Variants in RGS6 observed in about 807,000 individuals in gnomAD.
The protein encoded by RGS6 is regulator of G-protein signaling 6.
In RGS6, 30 loss-of-function variants were observed where a neutral mutation model predicts 78.5. That is an observed-to-expected ratio of 0.38 (90% confidence interval 0.29 to 0.52). The LOEUF is 0.52. RGS6 is among the 20% of genes least tolerant of loss of function. The pLI is 0.85. For synonymous variants in RGS6, 206 were observed against 206.0 expected, an observed-to-expected ratio of 1.00 and a Z score of 0.00; for missense variants, 495 against 609.7, an observed-to-expected ratio of 0.81 and a Z score of 1.98.
At chr14:71,971,948 C>T (rs1049268046) in intron 2 of RGS6, among the ~76,000 whole-genome samples, 2 of 130,006 alleles carry the variant, frequency 1.5e-5, no homozygotes, top group African/African-American at 6.0e-5. Context: ...AGAGTGACAA[C>T]AGGCAGAGAA....
At chr14:72,430,616 T>G (rs553968726) in intron 3 of RGS6, among the ~76,000 whole-genome samples, 1 of 152,230 alleles carries the variant, frequency 6.6e-6, no homozygotes, top group Non-Finnish European at 1.5e-5. Context: ...TTCTGAGTTA[T>G]GAAAGCCTTC....
the RGS6 span, among the ~76,000 whole-genome samples, chr14:71,905,400 AGAAT>A: frequency 6.6e-6 from 1 of 152,234 alleles, no homozygotes. Flanking sequence ...AAAGGGACAT[AGAAT>A]TACTAAAAGC....
At chr14:72,516,603 G>A (rs953246658) in intron 14 of RGS6, among the ~76,000 whole-genome samples, 1 of 152,208 alleles carries the variant, frequency 6.6e-6, no homozygotes, top group Admixed American at 6.5e-5. Flanking sequence ...CGGAGAGAAG[G>A]CTGGAATCCG....
At chr14:72,172,912 A>G (rs2097046708) in intron 2 of RGS6, among the ~76,000 whole-genome samples, 1 of 152,184 alleles carries the variant, frequency 6.6e-6, no homozygotes, top group South Asian at 2.1e-4. Context: ...GGACTGCACG[A>G]GCTCTCCCAG....
At chr14:72,220,373 A>G (rs1022829456) in intron 2 of RGS6, among the ~76,000 whole-genome samples, 5 of 151,876 alleles carry the variant, frequency 3.3e-5, no homozygotes, top group African/African-American at 1.2e-4. Flanking sequence ...ATCCTTTTCT[A>G]CTTAGCCTGG....
chr14:72,489,156 G>GCCCCCCCC (rs35147203), intron 12 of RGS6, among the ~76,000 whole-genome samples: 1 of 142,000 alleles, frequency 7.0e-6, no homozygotes, highest in Non-Finnish European at 1.5e-5. Context: ...GACAAAGGGG[G>GCCCCCCCC]CCCCCCCACC....
At chr14:72,270,147 A>G (rs1319120516) in intron 2 of RGS6, among the ~76,000 whole-genome samples, 6 of 152,198 alleles carry the variant, frequency 3.9e-5, no homozygotes, top group Non-Finnish European at 8.8e-5. Context: ...ACAAATGGGG[A>G]TGGATCTAGA....
intron 17 of RGS6, among the ~76,000 whole-genome samples, chr14:72,560,894 G>A (rs1001388706): frequency 2.6e-5 from 4 of 151,802 alleles, no homozygotes; most frequent in African/African-American, 7.3e-5. Context: ...AATGGGGAGT[G>A]AAAGCAATGG....
the RGS6 span, among the ~76,000 whole-genome samples, chr14:71,887,816 T>G: frequency 6.6e-6 from 1 of 152,178 alleles, no homozygotes; most frequent in South Asian, 2.1e-4. Context: ...AGTAGTTCTG[T>G]TTTTGCCCTT....
intron 2 of RGS6, among the ~76,000 whole-genome samples, chr14:72,268,958 C>A (rs1339982784): frequency 1.3e-5 from 2 of 152,296 alleles, no homozygotes; most frequent in Admixed American, 1.3e-4. Flanking sequence ...TCGACCTGAT[C>A]TCTCTCTTTC....
chr14:72,353,938 C>T (rs1412400509), intron 3 of RGS6, among the ~76,000 whole-genome samples: 7 of 151,848 alleles, frequency 4.6e-5, no homozygotes, highest in Non-Finnish European at 4.4e-5. Flanking sequence ...GAGCTGAGAT[C>T]GTGCCACTGC....
chr14:72,435,817 A>G (rs2094882827), intron 3 of RGS6, among the ~76,000 whole-genome samples: 3 of 129,276 alleles, frequency 2.3e-5, no homozygotes, highest in Admixed American at 1.0e-4. Context: ...CCTCTCTTTC[A>G]TAAGAACCCT....
chr14:72,086,964 C>A (rs770897668), intron 2 of RGS6, among the ~76,000 whole-genome samples: 16 of 152,140 alleles, frequency 1.1e-4, no homozygotes, highest in Non-Finnish European at 2.2e-4. Flanking sequence ...ATTGTCTTGA[C>A]TATTAAATAC....
chr14:72,170,809 G>A (rs1423370745), intron 2 of RGS6, among the ~76,000 whole-genome samples: 3 of 152,172 alleles, frequency 2.0e-5, no homozygotes, highest in Non-Finnish European at 4.4e-5. Flanking sequence ...AGCCTCTAAG[G>A]TGTTAATGGG....
At chr14:72,389,118 T>C (rs2089218361) in intron 3 of RGS6, among the ~76,000 whole-genome samples, 1 of 152,190 alleles carries the variant, frequency 6.6e-6, no homozygotes, top group Non-Finnish European at 1.5e-5. Context: ...TCCTGCATCA[T>C]GCTGGGAATA....
intron 14 of RGS6, chr14:72,515,672 A>G (rs2096932983): frequency 1.3e-5 from 2 of 152,236 alleles, no homozygotes; most frequent in Admixed American, 1.3e-4. Context: ...TCTCAAAAAA[A>G]TTGATTATGA....
chr14:72,115,588 G>T (rs1047225699), intron 2 of RGS6, among the ~76,000 whole-genome samples: 4 of 152,132 alleles, frequency 2.6e-5, no homozygotes, highest in African/African-American at 7.2e-5. Context: ...AGGCCCATCT[G>T]CTTCCTGCCC....
chr14:72,393,172 A>G (rs1255021766), intron 3 of RGS6, among the ~76,000 whole-genome samples: 1 of 152,182 alleles, frequency 6.6e-6, no homozygotes, highest in Non-Finnish European at 1.5e-5. Context: ...AGCCACCCCT[A>G]TGCATGAAGA....
chr14:72,416,196 A>G (rs1304546900), intron 3 of RGS6, among the ~76,000 whole-genome samples: 1 of 152,102 alleles, frequency 6.6e-6, no homozygotes, highest in African/African-American at 2.4e-5. Context: ...TAGCATTGAA[A>G]TTAAAAGAAT....
Sources: gnomAD v4.1 joint callset for allele counts (sites outside exome capture counted in the v4.1 genomes callset) on GRCh38, gnomAD v4.1.1 for gene constraint, MANE v1.5 for transcripts, NCBI Gene and HGNC (gene_info 2026-07-23, HGNC 2026-07-21) for gene names.